NOA1: variants seen among roughly 807,000 people sequenced by gnomAD.
The protein encoded by NOA1 is nitric oxide-associated protein 1.
In NOA1, 35 loss-of-function variants were observed where a neutral mutation model predicts 58.4. The observed-to-expected ratio is 0.60, with a 90% CI of 0.46 to 0.79. The LOEUF (loss-of-function observed/expected upper bound fraction) is 0.79. Among genes scored for constraint, NOA1 ranks in the 30% least tolerant of loss-of-function variants. The pLI is 0.00. For synonymous variants in NOA1, 397 were observed against 373.4 expected (o/e 1.06, Z -0.73); for missense variants, 895 against 894.6 (o/e 1.00, Z -0.01).
chr4:56,973,041 GC>G, intron 3 of NOA1, 106 bp downstream of exon 3: 1 of 942,930 alleles, frequency 1.1e-6, no homozygotes. Context: ...TTTCTCTATT[GC>G]AATTCCCCTG....
Position 56,973,194 on chromosome 4 carries a change from T to A in NOA1, c.1469A>T (p.Asp490Val). ...AGGGGTGTCATAAAACCAGTGGGCA[T>A]CTTTCACATCTTGTGCAGTCAATTC... ...QVELTAQDVKDAHWFYDTPGI... is the reference protein window; with the variant it reads ...QVELTAQDVKVAHWFYDTPGI... The change falls in exon 3 of 7, where the codon GAT becomes GTT. Residue 490 changes from aspartate (D) to valine (V), a missense_variant. Around this residue, in one of 3 missense-constraint regions of NOA1, gnomAD observed 680 missense variants for 656.5 expected, o/e 1.04. Coordinates refer to ENST00000264230, the MANE Select transcript of NOA1 (RefSeq NM_032313.4). 6.2e-7 allele frequency: 1 copy of A among 1,614,158 alleles called. No homozygotes were observed. Among genetic ancestry groups the A allele is most frequent in the Non-Finnish European group, 8.5e-7 (1 of 1,180,028 alleles).
chr4:56,969,980 T>C (rs1721786031), intron 3 of NOA1, among the ~76,000 whole-genome samples: 1 of 152,048 alleles, frequency 6.6e-6, no homozygotes, highest in Non-Finnish European at 1.5e-5. Context: ...GACGGGGTTT[T>C]GTCATGTTGG....
At position 56,977,197 on chromosome 4, in the gene NOA1, G is replaced by C. The variant is rs1721960634; in HGVS notation, c.389C>G (p.Pro130Arg). ...RSREHPVVGH[P>R]DPALPPSGVN... Reference sequence around the variant, plus strand: ...GCCGCTGGGCGGCAATGCCGGGTCCGGGTGCCCCACGACCGGGTGCTCCCG... The same window carrying C: ...GCCGCTGGGCGGCAATGCCGGGTCCCGGTGCCCCACGACCGGGTGCTCCCG... Residue 130 changes from proline to arginine, a missense_variant, in exon 1 of 7, where the codon CCG (proline) becomes CGG (arginine). Pro to Arg is a moderately radical substitution (Grantham distance 103, BLOSUM62 -2). This residue lies in a region of NOA1 where 680 missense variants were observed against 656.5 expected (regional missense o/e 1.04). Transcript: ENST00000264230. 1.9e-6 allele frequency: 3 copies of C among 1,568,610 alleles called. No individual in the cohort carries two copies. The highest frequency in any genetic ancestry group is 2.6e-6 in the Non-Finnish European group (3 of 1,160,258).
In NOA1 at chr4:56,977,212, G is replaced by C. The variant is rs950399877; in HGVS notation, c.374C>G (p.Pro125Arg). 5 of 1,575,348 alleles carry C rather than the reference G, an allele frequency of 3.2e-6. No individual in the cohort carries two copies. The African/African-American group carries it at 6.8e-5, about 21-fold the overall frequency. Residue 125 changes from proline (P) to arginine (R), a missense_variant, in exon 1 of 7, where the codon CCG becomes CGG. Transcript: ENST00000264230. ...QNLRARSREH[P>R]VVGHPDPALP... ...TGCCGGGTCCGGGTGCCCCACGACCGGGTGCTCCCGGGACCTGGCCCGTAG... is the reference window on the plus strand; with the variant it reads ...TGCCGGGTCCGGGTGCCCCACGACCCGGTGCTCCCGGGACCTGGCCCGTAG...
At chr4:56,974,668 A>T (rs971271673) in intron 1 of NOA1, among the ~76,000 whole-genome samples, 6 of 129,352 alleles carry the variant, frequency 4.6e-5, no homozygotes, top group Non-Finnish European at 8.4e-5. Context: ...AAAAAAAAAA[A>T]TTTAAACCAT....
At chr4:56,973,835 G>A (rs756038945) in intron 2 of NOA1, 23 bp downstream of exon 2, 1 of 1,611,116 alleles carries the variant, frequency 6.2e-7, no homozygotes, top group Non-Finnish European at 8.5e-7. Flanking sequence ...ACCAACGAGG[G>A]TTTTCCCATA....
intron 5 of NOA1, 125 bp downstream of exon 5, chr4:56,966,495 G>T (rs993763899): frequency 3.2e-6 from 2 of 616,012 alleles, no homozygotes; most frequent in Non-Finnish European, 5.6e-6. Context: ...AGAGAATGAG[G>T]TGAGGGAAAG....
At chr4:56,969,859 C>A (rs989381125) in intron 3 of NOA1, among the ~76,000 whole-genome samples, 2 of 151,842 alleles carry the variant, frequency 1.3e-5, no homozygotes, top group African/African-American at 4.8e-5. Context: ...TGGCTCACTG[C>A]AACTTCTGCC....
chr4:56,976,261 A>G (rs1325552257), intron 1 of NOA1, among the ~76,000 whole-genome samples, 181 bp downstream of exon 1: 1 of 152,060 alleles, frequency 6.6e-6, no homozygotes, highest in African/African-American at 2.4e-5. Context: ...CACATCCTCA[A>G]TTTTCCCTAG....
At chr4:56,964,996 TTGAG>T (rs1340098503) in intron 5 of NOA1, among the ~76,000 whole-genome samples, 2 of 137,510 alleles carry the variant, frequency 1.5e-5, no homozygotes, top group East Asian at 2.0e-4. Context: ...TTAGAAGTAA[TTGAG>T]TAATTTTTTT....
At position 56,976,761 on chromosome 4, in the gene NOA1, G is replaced by T. The variant is rs753508779; in HGVS notation, c.825C>A (p.Ala275=). 1.9e-6 allele frequency: 3 copies of T among 1,609,440 alleles called. No homozygotes were observed. Among genetic ancestry groups the T allele is most frequent in the Non-Finnish European group, 2.5e-6 (3 of 1,177,392 alleles). ...RERLWEDCAR[A]GLLLAPGHQG... is the part of the protein sequence containing the mutation. ...GGTGGCCAGGGGCCAGCAGGAGCCC[G>T]GCGCGGGCACAGTCCTCCCACAGTC... The change falls in exon 1 of 7, where the codon GCC becomes GCA. Residue 275 remains alanine (A), a synonymous_variant. Coordinates refer to ENST00000264230, the MANE Select transcript of NOA1 (RefSeq NM_032313.4).
In NOA1 at chr4:56,973,949, T is replaced by G. The variant is rs538546044; in HGVS notation, c.1218A>C (p.Arg406Ser). The G allele has an allele frequency of 3.7e-6, 6 of 1,614,010 alleles. No homozygotes were observed. The highest frequency in any genetic ancestry group is 5.1e-6 in the Non-Finnish European group (6 of 1,179,974). The change falls in exon 2 of 7, where the codon AGA becomes AGC. Residue 406 changes from arginine (R) to serine (S), a missense_variant. By Grantham distance (110) the Arg-to-Ser change is moderately radical. Coordinates refer to ENST00000264230, the MANE Select transcript of NOA1 (RefSeq NM_032313.4). ...TPYRMFKRHQ[R>S]LKKDSTQAEE... Reference sequence around the variant, plus strand: ...CAGCTTGAGTTGAATCTTTTTTAAGTCTTTGATGCCTTTTAAACATTCTGT... The same window carrying G: ...CAGCTTGAGTTGAATCTTTTTTAAGGCTTTGATGCCTTTTAAACATTCTGT...
rs1439202050 is a variant in NOA1, at chr4:56,977,203, C to T, written c.383G>A (p.Gly128Glu). 1.3e-6 allele frequency: 2 copies of T among 1,571,304 alleles called. No individual in the cohort carries two copies. The highest frequency in any genetic ancestry group is 1.1e-5 in the South Asian group (1 of 87,642). The change falls in exon 1 of 7, where the codon GGG (glycine) becomes GAG (glutamate). Residue 128 changes from glycine to glutamate, a missense_variant. By Grantham distance (98) the Gly-to-Glu change is moderately conservative (BLOSUM62 -2). Transcript: ENST00000264230. ...RARSREHPVV[G>E]HPDPALPPSG... ...GGGCGGCAATGCCGGGTCCGGGTGC[C>T]CCACGACCGGGTGCTCCCGGGACCT...
chr4:56,967,655 G>A (rs1172353653), intron 4 of NOA1, among the ~76,000 whole-genome samples: 2 of 152,062 alleles, frequency 1.3e-5, no homozygotes, highest in African/African-American at 4.8e-5. Context: ...ATCCCTAGAT[G>A]CTATATAAAC....
chr4:56,972,544 A>G (rs182979293), intron 3 of NOA1, among the ~76,000 whole-genome samples: 2 of 152,310 alleles, frequency 1.3e-5, no homozygotes, highest in Non-Finnish European at 2.9e-5. Flanking sequence ...AGTACACTCA[A>G]TACAAAGAGA....
rs529554283 is a variant in NOA1 at position 56,977,492 on chromosome 4, G to C, written c.94C>G (p.Leu32Val). 6.2e-6 allele frequency: 10 copies of C among 1,613,814 alleles called. No homozygotes were observed. In the East Asian group the frequency reaches 1.3e-4, roughly 22 times the overall value. The change falls in exon 1 of 7, where the codon CTG becomes GTG. Residue 32 changes from leucine (L) to valine (V), a missense_variant. By Grantham distance (32) the Leu-to-Val change is conservative. This residue lies in a region of NOA1 where 680 missense variants were observed against 656.5 expected (regional missense o/e 1.04). Transcript: ENST00000264230. ...AARHGLREPL[L>V]ERRCAAASSF... ...GAGGCGGCAGCGCACCTCCTCTCCA[G>C]GAGCGGCTCCCGGAGGCCATGGCGC...
intron 3 of NOA1, among the ~76,000 whole-genome samples, chr4:56,972,833 T>C (rs2412772): frequency 0.42 from 63,780 of 152,074 alleles, 13,386 homozygotes; most frequent in South Asian, 0.55. Flanking sequence ...CAGAACTTGA[T>C]GGCATACAGA....
Position 56,973,277 on chromosome 4 carries a change from A to T in NOA1, c.1386T>A (p.Leu462=), listed in dbSNP as rs978439694. Residue 462 remains leucine (L), a synonymous_variant, in exon 3 of 7, where the codon CTT becomes CTA. Coordinates refer to ENST00000264230, the MANE Select transcript of NOA1 (RefSeq NM_032313.4). The part of the protein sequence containing the change: ...NIPFEFDADS[L]AFDMENDPVM... The stretch of plus-strand genomic sequence containing the variant: ...CAGGGTCATTTTCCATGTCAAAGGC[A>T]AGTGAATCAGCATCAAACTCAAAGG... 5 of 1,614,018 alleles carry T rather than the reference A, an allele frequency of 3.1e-6. No individual in the cohort carries two copies. Among genetic ancestry groups the T allele is most frequent in the Non-Finnish European group, 4.2e-6 (5 of 1,180,012 alleles).
intron 5 of NOA1, 30 bp downstream of exon 5, chr4:56,966,590 T>A: frequency 7.5e-7 from 1 of 1,329,660 alleles, no homozygotes; most frequent in African/African-American, 1.4e-5. Context: ...ATACTAACCA[T>A]AACCATGCAA....
Sources: gnomAD v4.1 joint callset for allele counts (sites outside exome capture counted in the v4.1 genomes callset) on GRCh38, gnomAD v4.1.1 for gene constraint, gnomAD v4.1.1 regional missense constraint, MANE v1.5 for transcripts, NCBI Gene and HGNC (gene_info 2026-07-23, HGNC 2026-07-21) for gene names.